The following STIMATE variants were observed in gnomAD, a reference collection of about 807,000 sequenced individuals.
STIMATE encodes STIM activating enhancer.
In STIMATE, 15 loss-of-function variants were observed where a neutral mutation model predicts 36.7. That is an observed-to-expected ratio of 0.41 (90% CI 0.27 to 0.63). STIMATE has a LOEUF of 0.63. STIMATE is among the 20% of genes least tolerant of loss of function. STIMATE has a pLI of 0.32. For synonymous variants in STIMATE, 163 were observed against 162.3 expected (o/e 1.00, Z -0.03); for missense variants, 305 against 397.3 (o/e 0.77, Z 1.98).
intron 5 of STIMATE, 76 bp from the exon 6 acceptor site, chr3:52,843,874 T>C (rs932482852): frequency 3.1e-6 from 5 of 1,590,326 alleles, no homozygotes; most frequent in Admixed American, 1.7e-5. Context: ...GTGGTACCCA[T>C]AGGCCCTGAG....
At chr3:52,877,753 C>T (rs891780153) in intron 1 of STIMATE, among the ~76,000 whole-genome samples, 3 of 152,218 alleles carry the variant, frequency 2.0e-5, no homozygotes, top group African/African-American at 7.2e-5. Flanking sequence ...ACCCTGCACC[C>T]GGCAGTGCCA....
intron 1 of STIMATE, chr3:52,896,038 TAGAC>T (rs1487467387): frequency 3.2e-6 from 3 of 943,944 alleles, no homozygotes; most frequent in Non-Finnish European, 4.5e-6. Flanking sequence ...GTGGCAAACA[TAGAC>T]AGTTGGGCAC....
chr3:52,874,236 C>A (rs571368635), intron 1 of STIMATE, among the ~76,000 whole-genome samples: 19 of 152,020 alleles, frequency 1.2e-4, no homozygotes, highest in Non-Finnish European at 2.6e-4. Context: ...ACTTACAATG[C>A]GTGAGTTTTA....
chr3:52,850,790 G>A (rs1700984721), intron 3 of STIMATE, among the ~76,000 whole-genome samples: 1 of 152,190 alleles, frequency 6.6e-6, no homozygotes, highest in Non-Finnish European at 1.5e-5. Context: ...GAGTGCAGCG[G>A]TGCAATCAGC....
intron 1 of STIMATE, among the ~76,000 whole-genome samples, chr3:52,894,145 T>C (rs1006237302): frequency 1.3e-5 from 2 of 152,232 alleles, no homozygotes; most frequent in African/African-American, 2.4e-5. Flanking sequence ...AAAGCGTTTC[T>C]TTCTATGCAG....
chr3:52,866,351 C>T (rs775206873), intron 1 of STIMATE, among the ~76,000 whole-genome samples: 35 of 152,354 alleles, frequency 2.3e-4, no homozygotes, highest in South Asian at 2.1e-4. Context: ...AGGGCACCTG[C>T]GGGGCTTGCC....
intron 1 of STIMATE, among the ~76,000 whole-genome samples, chr3:52,884,246 G>GT (rs10716399): frequency 0.015 from 1,971 of 128,690 alleles, 51 homozygotes; most frequent in African/African-American, 0.048. Flanking sequence ...CACCCAAAAA[G>GT]TTTTTTTTTT....
At chr3:52,886,810 A>C (rs2106727961) in intron 1 of STIMATE, among the ~76,000 whole-genome samples, 1 of 152,346 alleles carries the variant, frequency 6.6e-6, no homozygotes, top group South Asian at 2.1e-4. Context: ...ACTAGAATCA[A>C]CTGACACCAG....
At chr3:52,895,559 G>A (rs1046589108) in intron 1 of STIMATE, among the ~76,000 whole-genome samples, 1 of 152,202 alleles carries the variant, frequency 6.6e-6, no homozygotes, top group African/African-American at 2.4e-5. Context: ...ATTTGCACAT[G>A]TGCTCACGCT....
intron 4 of STIMATE, chr3:52,846,618 C>T (rs916937832): frequency 1.3e-5 from 2 of 152,176 alleles, no homozygotes; most frequent in Admixed American, 1.3e-4. Context: ...TCACATTGCC[C>T]CAGTGTTCTA....
At chr3:52,875,954 G>T (rs1701497856) in intron 1 of STIMATE, among the ~76,000 whole-genome samples, 1 of 152,186 alleles carries the variant, frequency 6.6e-6, no homozygotes, top group African/African-American at 2.4e-5. Context: ...GGCTGGCAAG[G>T]ACAGGCTCAC....
chr3:52,839,654 G>C lies in STIMATE; in HGVS notation c.*840C>G, dbSNP rs1414959668. ...TGGGTCTGACCTTCACAGAACCATT[G>C]GGTTTGCTGATTCTAGAGAAGGGCC... is the stretch of plus-strand genomic sequence containing the variant. On this transcript the variant is annotated 3_prime_UTR_variant, in exon 8 of 8. Coordinates refer to ENST00000355083, the MANE Select transcript of STIMATE (RefSeq NM_198563.5). 1 of 152,134 alleles carries C rather than the reference G, an allele frequency of 6.6e-6. No homozygotes were observed. Among genetic ancestry groups the C allele is most frequent in the Non-Finnish European group, 1.5e-5 (1 of 68,032 alleles). The allele number at this position is 152,134 out of a possible 1,614,324, so 9.4% of individuals were successfully genotyped here. A position where few individuals can be genotyped will look rare whatever the true frequency, so the allele number is the denominator to read the frequency against.
chr3:52,856,382 T>C lies in STIMATE; in HGVS notation c.161-938A>G, dbSNP rs371491428. Among the ~76,000 whole-genome samples, 98 of 152,258 alleles carry C rather than the reference T, an allele frequency of 6.4e-4. 2 individuals are homozygous for C. In the South Asian group the frequency reaches 0.02, roughly 31 times the overall value. On this transcript the variant is annotated intron_variant, in intron 1 of 7. Transcript: ENST00000355083. ...TCAAAGACATGTTGGGACTAAGTTT[T>C]AGAAAGGCAGCTCTATGGCCGGGTG... is the stretch of plus-strand genomic sequence containing the variant.
intron 1 of STIMATE, among the ~76,000 whole-genome samples, chr3:52,880,678 A>C (rs1169570021): frequency 1.3e-5 from 2 of 152,196 alleles, no homozygotes; most frequent in African/African-American, 4.8e-5. Context: ...CTGCCTCCTT[A>C]CAAAGGAGGT....
At chr3:52,896,088 C>T (rs1575355221) in intron 1 of STIMATE, 5 of 478,062 alleles carry the variant, frequency 1.0e-5, no homozygotes, top group African/African-American at 2.0e-5. Context: ...ACCAGAAGAA[C>T]GCGGTATCCA....
At chr3:52,851,251 T>G (rs1700991644) in intron 3 of STIMATE, among the ~76,000 whole-genome samples, 2 of 152,184 alleles carry the variant, frequency 1.3e-5, no homozygotes, top group South Asian at 4.1e-4. Flanking sequence ...GACCACAAGC[T>G]CCAGCTCTCC....
In STIMATE at chr3:52,897,498, CG is replaced by C; in HGVS notation, c.-49del. The C allele has an allele frequency of 8.3e-7, 1 of 1,200,066 alleles. No homozygotes were observed. The highest frequency in any genetic ancestry group is 1.0e-6 in the Non-Finnish European group (1 of 968,484). The allele number at this position is 1,200,066 out of a possible 1,614,324, so 74.3% of individuals were successfully genotyped here. Reference sequence around the variant, plus strand: ...CGAGGGCCCAGGGCCCGCCCGGCCTCGCTGCCTGCCGGCGCAGCGCCGCCAA... The same window carrying C: ...CGAGGGCCCAGGGCCCGCCCGGCCTCCTGCCTGCCGGCGCAGCGCCGCCAA... On this transcript the variant is annotated 5_prime_UTR_variant, in exon 1 of 8. Transcript: ENST00000355083.
At chr3:52,890,376 G>C (rs1208240750) in intron 1 of STIMATE, among the ~76,000 whole-genome samples, 2 of 152,258 alleles carry the variant, frequency 1.3e-5, no homozygotes, top group Admixed American at 1.3e-4. Flanking sequence ...TGAGTTTGCT[G>C]AGAAATTCAC....
intron 1 of STIMATE, among the ~76,000 whole-genome samples, chr3:52,888,005 T>G (rs796778312): frequency 0.068 from 9,266 of 136,824 alleles, 628 homozygotes; most frequent in Middle Eastern, 0.096. Context: ...TTTTTTTTTT[T>G]TTTTTTTTTT....
Sources: gnomAD v4.1 joint callset for allele counts (sites outside exome capture counted in the v4.1 genomes callset) on GRCh38, gnomAD v4.1.1 for gene constraint, MANE v1.5 for transcripts, NCBI Gene and HGNC (gene_info 2026-07-23, HGNC 2026-07-21) for gene names.